The following NEDD9 variants were observed in gnomAD, a reference collection of about 807,000 sequenced individuals.
NEDD9 encodes enhancer of filamentation 1.
NEDD9 carries 26 observed loss-of-function variants against 76.6 expected under a neutral mutation model. That is an observed-to-expected ratio of 0.34 (90% confidence interval 0.25 to 0.47). The LOEUF (loss-of-function observed/expected upper bound fraction) is 0.47, where lower values mean the gene tolerates loss of function less well. Among genes scored for constraint, NEDD9 ranks in the 20% least tolerant of loss-of-function variants. The pLI is 1.00. For missense variants in NEDD9, 937 were observed against 1,058.5 expected, an observed-to-expected ratio of 0.89 and a Z score of 1.59; for synonymous variants, 392 against 414.2, an observed-to-expected ratio of 0.95 and a Z score of 0.65.
rs922110394 is a variant in NEDD9, at chr6:11,370,186, A to G, written c.-214+11953T>C. On this transcript the variant is annotated intron_variant, in intron 1 of 3. Coordinates refer to the NEDD9 transcript ENST00000397378. The surrounding 1 kb of genome is among the most constrained non-coding windows in gnomAD (Gnocchi z 4.2). ...AAATCATGCTTGTGGGAACCCAAGG[A>G]GGCCAGCCCCTGAATCACAGGCCTG... is the stretch of plus-strand genomic sequence containing the variant. 6.6e-6 allele frequency among the ~76,000 whole-genome samples: 1 copy of G among 152,050 alleles called. No individual in the cohort carries two copies. The highest frequency in any genetic ancestry group is 2.4e-5 in the African/African-American group (1 of 41,382).
intron 1 of NEDD9, among the ~76,000 whole-genome samples, chr6:11,231,954 G>A (rs1393372419): frequency 6.6e-6 from 1 of 152,134 alleles, no homozygotes; most frequent in African/African-American, 2.4e-5. Context: ...TATAACATAA[G>A]GATGTCAAAA....
chr6:11,270,630 G>A (rs1760284243), intron 3 of NEDD9, among the ~76,000 whole-genome samples: 1 of 152,188 alleles, frequency 6.6e-6, no homozygotes, highest in African/African-American at 2.4e-5. Flanking sequence ...GCAGCCTCAC[G>A]TCCGCATACA....
At chr6:11,259,682 A>C (rs754449349) in intron 3 of NEDD9, among the ~76,000 whole-genome samples, 1 of 152,210 alleles carries the variant, frequency 6.6e-6, no homozygotes, top group African/African-American at 2.4e-5. Context: ...AAACATATTC[A>C]TTCACTTCCC....
intron 2 of NEDD9, among the ~76,000 whole-genome samples, chr6:11,316,011 G>A (rs368189016): frequency 3.3e-5 from 5 of 152,170 alleles, no homozygotes; most frequent in Admixed American, 6.5e-5. Flanking sequence ...TGCTGGGCAC[G>A]TGGCTCTGAT....
At chr6:11,254,416 T>C (rs942364496) in intron 3 of NEDD9, among the ~76,000 whole-genome samples, 1 of 152,208 alleles carries the variant, frequency 6.6e-6, no homozygotes, top group Non-Finnish European at 1.5e-5. Flanking sequence ...TGGCTGTTTT[T>C]CTGAAGCTGA....
At chr6:11,271,319 G>T (rs1337152826) in intron 3 of NEDD9, 2 of 152,328 alleles carry the variant, frequency 1.3e-5, no homozygotes, top group African/African-American at 4.8e-5. Flanking sequence ...TTAGAGAAAT[G>T]AGCCACTGCG....
At chr6:11,202,773 GT>G (rs1296745430) in intron 2 of NEDD9, among the ~76,000 whole-genome samples, 4 of 152,280 alleles carry the variant, frequency 2.6e-5, no homozygotes. Context: ...TGCTCATGAA[GT>G]TTTTTCCCCA....
chr6:11,185,271 A>C lies in NEDD9; in HGVS notation c.2396T>G (p.Leu799Arg), dbSNP rs751545988. 1.9e-6 allele frequency: 3 copies of C among 1,613,960 alleles called. No homozygotes were observed. The highest frequency in any genetic ancestry group is 2.5e-6 in the Non-Finnish European group (3 of 1,180,012). ...CAGGGCCGTGGTGCTGGGGTAATGG[A>C]GGGCGGCCATCTTGGTTGCCATGAC... ...TIVMATKMAALHYPSTTALQE... is the reference protein window; with the variant it reads ...TIVMATKMAARHYPSTTALQE... Residue 799 changes from leucine (L) to arginine (R), a missense_variant, in exon 7 of 7, where the codon CTC becomes CGC. Transcript: ENST00000379446.
chr6:11,214,736 C>G (rs1357806783), intron 1 of NEDD9, among the ~76,000 whole-genome samples: 3 of 152,210 alleles, frequency 2.0e-5, no homozygotes, highest in African/African-American at 4.8e-5. Flanking sequence ...ATGTCTGCCC[C>G]CTTCCCAGAG....
intron 3 of NEDD9, among the ~76,000 whole-genome samples, chr6:11,296,425 C>T (rs552345785): frequency 2.6e-5 from 4 of 152,248 alleles, no homozygotes; most frequent in African/African-American, 9.6e-5. Context: ...TTCATATTCC[C>T]TACAATAGGT....
intron 1 of NEDD9, chr6:11,214,196 A>G (rs758008045): frequency 1.9e-6 from 1 of 518,806 alleles, no homozygotes; most frequent in East Asian, 5.4e-5. Flanking sequence ...TACAAATAGC[A>G]TTTATATTTG....
At chr6:11,200,470 G>A in intron 2 of NEDD9, 1 of 1,010,400 alleles carries the variant, frequency 9.9e-7, no homozygotes, top group Non-Finnish European at 1.2e-6. Flanking sequence ...AGGAATTCAG[G>A]GGACAAGACA....
At chr6:11,278,715 G>A (rs868738522) in intron 3 of NEDD9, among the ~76,000 whole-genome samples, 21 of 152,270 alleles carry the variant, frequency 1.4e-4, no homozygotes, top group African/African-American at 5.1e-4. Context: ...CAGTCACCTG[G>A]GGAGTTGCAA....
intron 2 of NEDD9, among the ~76,000 whole-genome samples, chr6:11,201,713 A>G (rs1454665919): frequency 1.3e-5 from 2 of 151,990 alleles, no homozygotes; most frequent in Non-Finnish European, 2.9e-5. Flanking sequence ...AAATATATAT[A>G]TATTTTGTCA....
At chr6:11,236,570 CAT>C (rs1008011401), upstream of NEDD9, among the ~76,000 whole-genome samples, 2 of 152,198 alleles carry the variant, frequency 1.3e-5, no homozygotes, top group Non-Finnish European at 2.9e-5. This position sits in a 1 kb window ranked among gnomAD's most constrained non-coding sequence, Gnocchi z 5.5. Context: ...TCCAGCCACT[CAT>C]AGAGAGGGCA....
chr6:11,336,276 G>A (rs1365465905), intron 1 of NEDD9, among the ~76,000 whole-genome samples: 1 of 152,216 alleles, frequency 6.6e-6, no homozygotes, highest in African/African-American at 2.4e-5. Flanking sequence ...TCTGAGAAAT[G>A]CATTGTTAGA....
intron 5 of NEDD9, 64 bp from the exon 6 acceptor site, chr6:11,188,371 T>G: frequency 7.7e-7 from 1 of 1,302,018 alleles, no homozygotes; most frequent in Non-Finnish European, 1.1e-6. Context: ...GCTAACAATT[T>G]CATTGACGGA....
At chr6:11,279,398 T>G (rs78554123) in intron 3 of NEDD9, among the ~76,000 whole-genome samples, 8,457 of 152,232 alleles carry the variant, frequency 0.056, 236 homozygotes, top group Middle Eastern at 0.14. Flanking sequence ...CCCCAGGCCA[T>G]GGCAAAAACA....
In NEDD9 at chr6:11,374,060, C is replaced by A. The variant is rs1449370614; in HGVS notation, c.-214+8079G>T. ...ATAAAATAAATCTCTCTCTCTCTCT[C>A]TCTCTCTATATATATATGTATATAT... is the stretch of plus-strand genomic sequence containing the variant. On this transcript the variant is annotated intron_variant, in intron 1 of 3. Coordinates refer to the NEDD9 transcript ENST00000397378. Among the ~76,000 whole-genome samples, 249 of 151,536 alleles carry A rather than the reference C, an allele frequency of 1.6e-3. 1 individual carries two copies. Among genetic ancestry groups the A allele is most frequent in the Admixed American group, 0.013 (193 of 15,158 alleles).
Sources: allele counts gnomAD v4.1 joint callset (sites outside exome capture counted in the v4.1 genomes callset), GRCh38; gene constraint gnomAD v4.1.1; non-coding constraint Gnocchi (gnomAD v3.1); transcripts MANE v1.5; gene names NCBI Gene and HGNC (gene_info 2026-07-23, HGNC 2026-07-21).